Variants in ACYP2 observed in about 807,000 individuals in gnomAD.
The protein encoded by ACYP2 is acylphosphatase 2.
In ACYP2, 12 loss-of-function variants were observed where a neutral mutation model predicts 11.2. The ratio of observed to expected loss-of-function variants is 1.08; its 90% CI spans 0.69 to 1.74. The LOEUF is 1.74. Among genes scored for constraint, ACYP2 ranks in the 40% most tolerant of loss-of-function variants. ACYP2 has a pLI of 0.00. For missense variants in ACYP2, 134 were observed against 101.9 expected (o/e 1.31, Z -1.35); for synonymous variants, 43 against 32.2 (o/e 1.33, Z -1.13).
chr2:54,110,082 G>A (rs1012465551), intron 4 of ACYP2, among the ~76,000 whole-genome samples: 2 of 152,104 alleles, frequency 1.3e-5, no homozygotes, highest in African/African-American at 4.8e-5. Context: ...CAGGCATTTC[G>A]TAGAATTAAA....
chr2:53,973,891 G>A (rs370561846), intron 2 of ACYP2: 5,540 of 72,782 alleles, frequency 0.076, 210 homozygotes, highest in South Asian at 0.12. Flanking sequence ...GTGTGTGTGT[G>A]TGTGTGTGTG....
chr2:54,301,342 A>C (rs1238861273), intron 6 of ACYP2, among the ~76,000 whole-genome samples: 1 of 152,204 alleles, frequency 6.6e-6, no homozygotes, highest in African/African-American at 2.4e-5. Flanking sequence ...CATTGCTCTC[A>C]CAAAGATGTC....
At chr2:54,187,802 A>T (rs1684072206) in intron 6 of ACYP2, among the ~76,000 whole-genome samples, 1 of 152,138 alleles carries the variant, frequency 6.6e-6, no homozygotes, top group Non-Finnish European at 1.5e-5. Context: ...TGTCCTCCAG[A>T]ATTCATGTGT....
intron 2 of ACYP2, among the ~76,000 whole-genome samples, chr2:54,015,234 G>A (rs901038022): frequency 6.6e-6 from 1 of 151,918 alleles, no homozygotes; most frequent in South Asian, 2.1e-4. Context: ...ATTACAGGCG[G>A]GTGTGGTGGC....
intron 2 of ACYP2, among the ~76,000 whole-genome samples, chr2:53,993,619 C>A (rs1008375724): frequency 6.6e-6 from 1 of 151,596 alleles, no homozygotes; most frequent in African/African-American, 2.4e-5. Context: ...ATCGCTTGAA[C>A]CTGGGAGGCA....
At position 54,068,684 on chromosome 2, in the gene ACYP2, T is replaced by C. The variant is rs560777552; in HGVS notation, c.277+11324T>C. On this transcript the variant is annotated intron_variant, in intron 4 of 6. Coordinates refer to ENST00000607452, the MANE Select transcript of ACYP2 (RefSeq NM_001320586.2). ...TCTCTCTTTTTGTTTTTGCTAAAGGTAACATGAGTTGTTTTCTGCTACATG... is the reference window on the plus strand; with the variant it reads ...TCTCTCTTTTTGTTTTTGCTAAAGGCAACATGAGTTGTTTTCTGCTACATG... 3.3e-5 allele frequency among the ~76,000 whole-genome samples: 5 copies of C among 152,264 alleles called. No homozygotes were observed. The East Asian group carries it at 9.7e-4, about 29-fold the overall frequency.
rs188749762 is a variant in ACYP2, at chr2:54,116,534, C to A, written c.278-18919C>A. On this transcript the variant is annotated intron_variant, in intron 4 of 6. Coordinates refer to ENST00000607452, the MANE Select transcript of ACYP2 (RefSeq NM_001320586.2). The stretch of plus-strand genomic sequence containing the variant: ...TTTTTTTTTTGCTCACCCTATCATA[C>A]TTTTCTGCAATATGTATATGTACAT... Among the ~76,000 whole-genome samples, 4 of 135,726 alleles carry A rather than the reference C, an allele frequency of 2.9e-5. No homozygotes were observed. The East Asian group carries it at 9.1e-4, about 31-fold the overall frequency. The allele number at this position is 135,726 out of a possible 152,430, so 89.0% of individuals were successfully genotyped here.
intron 6 of ACYP2, among the ~76,000 whole-genome samples, chr2:54,201,650 CTT>C (rs1254034830): frequency 1.2e-5 from 1 of 86,946 alleles, no homozygotes; most frequent in African/African-American, 4.6e-5. Context: ...TTCTTTCTTT[CTT>C]TCTTTCTTTC....
At chr2:54,138,085 TG>T (rs1229169865) in intron 5 of ACYP2, among the ~76,000 whole-genome samples, 1 of 114,332 alleles carries the variant, frequency 8.7e-6, no homozygotes, top group Non-Finnish European at 1.9e-5. Context: ...TGTCTACTTT[TG>T]AGAAGTGTCC....
chr2:54,255,631 G>T (rs973521434), intron 6 of ACYP2: 1 of 1,613,256 alleles, frequency 6.2e-7, no homozygotes, highest in South Asian at 1.1e-5. Context: ...GTTTTCTTCC[G>T]CCACGTCCAT....
chr2:54,053,650 A>C (rs1675978194), intron 3 of ACYP2, among the ~76,000 whole-genome samples: 1 of 152,158 alleles, frequency 6.6e-6, no homozygotes, highest in Non-Finnish European at 1.5e-5. Context: ...GCAACTTAGG[A>C]ACTCCTCTGC....
intron 6 of ACYP2, among the ~76,000 whole-genome samples, chr2:54,280,481 T>C (rs542703158): frequency 6.6e-6 from 1 of 152,124 alleles, no homozygotes; most frequent in African/African-American, 2.4e-5. Flanking sequence ...GATGAAGTCA[T>C]TCAGAGAGTA....
chr2:54,235,839 C>T (rs1686453833), intron 6 of ACYP2, among the ~76,000 whole-genome samples: 1 of 152,136 alleles, frequency 6.6e-6, no homozygotes, highest in Non-Finnish European at 1.5e-5. Flanking sequence ...TGTCTCAAAA[C>T]CAACCAACCA....
At chr2:54,285,053 C>G (rs542534148) in intron 6 of ACYP2, among the ~76,000 whole-genome samples, 1 of 152,206 alleles carries the variant, frequency 6.6e-6, no homozygotes, top group South Asian at 2.1e-4. Flanking sequence ...CTAGCAGATT[C>G]AGCGTCTGGT....
chr2:54,202,610 G>T (rs188280228), intron 6 of ACYP2, among the ~76,000 whole-genome samples: 1,593 of 140,584 alleles, frequency 0.011, 21 homozygotes, highest in African/African-American at 0.04. Context: ...GTTTTGCCAT[G>T]TTGGCCGGGT....
intron 4 of ACYP2, among the ~76,000 whole-genome samples, chr2:54,091,702 C>A (rs749859868): frequency 4.0e-5 from 6 of 151,746 alleles, no homozygotes; most frequent in Non-Finnish European, 8.8e-5. Context: ...GGTAGAGATG[C>A]GGTTTTGCCA....
intron 2 of ACYP2, among the ~76,000 whole-genome samples, chr2:54,049,263 A>T (rs947957645): frequency 4.9e-4 from 74 of 151,612 alleles, no homozygotes; most frequent in East Asian, 3.5e-3. Flanking sequence ...CCCATCTCAA[A>T]AATAATAATA....
chr2:54,000,492 A>G (rs1380518070), intron 2 of ACYP2, among the ~76,000 whole-genome samples: 1 of 152,196 alleles, frequency 6.6e-6, no homozygotes, highest in African/African-American at 2.4e-5. Context: ...TTTCCTTTTC[A>G]TTTAGAAAAA....
intron 4 of ACYP2, among the ~76,000 whole-genome samples, chr2:54,113,553 T>TA (rs78893435): frequency 1.8e-4 from 27 of 149,120 alleles, no homozygotes; most frequent in East Asian, 3.9e-4. Context: ...CCAAGATACT[T>TA]AAAAAAAAAA....
Sources: gnomAD v4.1 joint callset for allele counts (sites outside exome capture counted in the v4.1 genomes callset) on GRCh38, gnomAD v4.1.1 for gene constraint, MANE v1.5 for transcripts, NCBI Gene and HGNC (gene_info 2026-07-23, HGNC 2026-07-21) for gene names.